The following ZNF44 variants were observed in gnomAD, a reference collection of about 807,000 sequenced individuals.
ZNF44 encodes the protein gonadotropin inducible transcription repressor-2.
Under a neutral mutation model 11.7 loss-of-function variants are expected in ZNF44, and 9 were observed. That is an observed-to-expected ratio of 0.77 (90% CI 0.46 to 1.35). The LOEUF is 1.35. ZNF44 is among the 40% of genes most tolerant of loss of function. The pLI is 0.00. For synonymous variants in ZNF44, 224 were observed against 242.7 expected, an observed-to-expected ratio of 0.92 and a Z score of 0.72; for missense variants, 696 against 743.1, an observed-to-expected ratio of 0.94 and a Z score of 0.74.
At chr19:12,253,271 C>G (rs544031471) in intron 5 of ZNF44, among the ~76,000 whole-genome samples, 1 of 147,542 alleles carries the variant, frequency 6.8e-6, no homozygotes, top group Admixed American at 6.9e-5. Context: ...CTCACTGCAA[C>G]CTTCGACTCT....
At chr19:12,269,340 C>T (rs575215627), downstream of ZNF44, among the ~76,000 whole-genome samples, 30 of 152,148 alleles carry the variant, frequency 2.0e-4, no homozygotes, top group Non-Finnish European at 2.6e-4. Flanking sequence ...CTGGCTAACA[C>T]GGTGAAACCC....
At chr19:12,242,665 T>A (rs1304290567), downstream of ZNF44, 2 of 50,612 alleles carry the variant, frequency 4.0e-5, no homozygotes, top group African/African-American at 6.1e-5. Flanking sequence ...ACCTTGTCTC[T>A]CCAAAAAAAA....
chr19:12,274,998 G>A lies in ZNF44; in HGVS notation c.166C>T (p.His56Tyr), dbSNP rs2145729834. The A allele has an allele frequency of 6.3e-7, 1 of 1,590,234 alleles. No homozygotes were observed. The highest frequency in any genetic ancestry group is 8.6e-7 in the Non-Finnish European group (1 of 1,167,598). ...KWENQNIDDQHQNLRRNPRCD... is the reference protein window; with the variant it reads ...KWENQNIDDQYQNLRRNPRCD... ...CTTGGATTTCTCCTGAGATTTTGGT[G>A]CTGATCATCAATGTTCTGGTTTTCC... The change falls in exon 3 of 4, where the codon CAC (histidine) becomes TAC (tyrosine). Residue 56 changes from histidine (H) to tyrosine (Y), a missense_variant. Physicochemically the swap from His to Tyr is moderately conservative, Grantham distance 83 (BLOSUM62 2). Coordinates refer to ENST00000355684, the MANE Select transcript of ZNF44 (RefSeq NM_016264.4).
intron 5 of ZNF44, among the ~76,000 whole-genome samples, chr19:12,260,744 C>T (rs1917474820): frequency 6.6e-6 from 1 of 152,182 alleles, no homozygotes; most frequent in African/African-American, 2.4e-5. Flanking sequence ...AAACTGTCAA[C>T]TAAAGTCAGC....
At chr19:12,271,530 G>T (rs1195093824), downstream of ZNF44, among the ~76,000 whole-genome samples, 2 of 152,096 alleles carry the variant, frequency 1.3e-5, no homozygotes, top group Non-Finnish European at 2.9e-5. Context: ...CACACATCTA[G>T]TCACCTCTAC....
downstream of ZNF44, chr19:12,242,703 T>C (rs914321091): frequency 1.5e-4 from 22 of 147,292 alleles, no homozygotes; most frequent in African/African-American, 5.5e-4. Context: ...ATTTAAAAAA[T>C]TACCTGGGCA....
chr19:12,267,043 C>CTTTTCT (rs1490067669), downstream of ZNF44, among the ~76,000 whole-genome samples: 4,388 of 139,758 alleles, frequency 0.031, 129 homozygotes, highest in Non-Finnish European at 0.046. Context: ...TTTCTTTTTT[C>CTTTTCT]TTTTTTTTTT....
At chr19:12,292,026 G>T (rs1968028801) in intron 1 of ZNF44, among the ~76,000 whole-genome samples, 1 of 149,594 alleles carries the variant, frequency 6.7e-6, no homozygotes, top group East Asian at 2.0e-4. Flanking sequence ...AAGAAAAAAA[G>T]TTTTTAAAAA....
chr19:12,233,542 C>G, intron 2 of ZNF44, among the ~76,000 whole-genome samples: 1 of 131,890 alleles, frequency 7.6e-6, no homozygotes, highest in South Asian at 2.3e-4. Context: ...CAAGTACAAC[C>G]CATACATCAA....
intron 5 of ZNF44, among the ~76,000 whole-genome samples, chr19:12,257,337 A>C (rs888456768): frequency 1.3e-5 from 2 of 152,120 alleles, no homozygotes; most frequent in African/African-American, 4.8e-5. Context: ...GTCCACTTTG[A>C]GGCACCCAGA....
downstream of ZNF44, among the ~76,000 whole-genome samples, chr19:12,270,970 A>T (rs2145717667): frequency 2.0e-5 from 3 of 152,294 alleles, no homozygotes; most frequent in Middle Eastern, 0.01. Flanking sequence ...AGCAGTCAGG[A>T]ATATCTTAAA....
chr19:12,267,833 C>CTT (rs763187011), downstream of ZNF44, among the ~76,000 whole-genome samples: 26,787 of 143,382 alleles, frequency 0.19, 2,523 homozygotes, highest in East Asian at 0.28. Context: ...GACAGATTGT[C>CTT]TTTTTTTTTT....
intron 1 of ZNF44, among the ~76,000 whole-genome samples, chr19:12,287,516 G>A (rs3098396): frequency 0.39 from 59,749 of 151,978 alleles, 13,122 homozygotes; most frequent in African/African-American, 0.61. Context: ...GCCTGTCCCT[G>A]TACACATTCT....
chr19:12,281,471 GAAAGT>G (rs1229453163), intron 1 of ZNF44, among the ~76,000 whole-genome samples: 1 of 152,136 alleles, frequency 6.6e-6, no homozygotes, highest in African/African-American at 2.4e-5. Flanking sequence ...GCATTTCCTA[GAAAGT>G]AAAGGTTTAA....
downstream of ZNF44, chr19:12,242,699 A>G (rs1419410251): frequency 2.6e-5 from 4 of 151,746 alleles, no homozygotes; most frequent in East Asian, 5.8e-4. Context: ...TATGATTTAA[A>G]AAATTACCTG....
chr19:12,252,952 A>G (rs932534779), intron 5 of ZNF44, among the ~76,000 whole-genome samples: 1 of 142,348 alleles, frequency 7.0e-6, no homozygotes, highest in African/African-American at 2.7e-5. Context: ...CACTGGCACA[A>G]TCTTGGCTCA....
At chr19:12,264,086 C>G (rs891464852) in intron 5 of ZNF44, among the ~76,000 whole-genome samples, 4 of 152,138 alleles carry the variant, frequency 2.6e-5, no homozygotes, top group Admixed American at 6.6e-5. Context: ...GACCCTGTAT[C>G]AAACGAAACA....
Position 12,282,421 on chromosome 19 carries a change from C to CTTT in ZNF44, c.4-6342_4-6340dup, listed in dbSNP as rs59865823. 8.2e-3 allele frequency among the ~76,000 whole-genome samples: 1,033 copies of CTTT among 126,196 alleles called. 10 individuals carry two copies. Among genetic ancestry groups the CTTT allele is most frequent in the Non-Finnish European group, 0.013 (779 of 61,324 alleles). 82.8% of individuals were successfully genotyped at this position (126,196 alleles called of 152,430 possible). On this transcript the variant is annotated intron_variant, in intron 1 of 3. Transcript: ENST00000355684. The stretch of plus-strand genomic sequence containing the variant: ...AAATCAACCCACTTGGAGAAGTCTT[C>CTTT]TTTTTTTTTTTTTTTTTTGAGACGG...
intron 5 of ZNF44, among the ~76,000 whole-genome samples, chr19:12,258,450 A>C (rs1348411353): frequency 1.3e-5 from 2 of 151,930 alleles, no homozygotes; most frequent in Non-Finnish European, 2.9e-5. Flanking sequence ...ATCAATTTAC[A>C]TTGAGTCATA....
Sources: gnomAD v4.1 joint callset for allele counts (sites outside exome capture counted in the v4.1 genomes callset) on GRCh38, gnomAD v4.1.1 for gene constraint, MANE v1.5 for transcripts, NCBI Gene and HGNC (gene_info 2026-07-23, HGNC 2026-07-21) for gene names.